The following TSPEAR variants were observed in gnomAD, a reference collection of about 807,000 sequenced individuals.
TSPEAR encodes thrombospondin-type laminin G domain and EAR repeat-containing protein.
Under a neutral mutation model 71.6 loss-of-function variants are expected in TSPEAR, and 69 were observed. The observed-to-expected ratio is 0.96, with a 90% confidence interval of 0.79 to 1.18. The LOEUF (loss-of-function observed/expected upper bound fraction) is 1.18, where lower values mean the gene tolerates loss of function less well. TSPEAR is among the 50% of genes most tolerant of loss of function. The pLI is 0.00. For synonymous variants in TSPEAR, 402 were observed against 387.2 expected, an observed-to-expected ratio of 1.04 and a Z score of -0.45; for missense variants, 971 against 894.9, an observed-to-expected ratio of 1.09 and a Z score of -1.09.
At chr21:44,528,318 G>A in intron 6 of TSPEAR, 134 bp downstream of exon 6, 1 of 1,277,136 alleles carries the variant, frequency 7.8e-7, no homozygotes, top group Non-Finnish European at 1.1e-6. Flanking sequence ...ACTCTTAGAA[G>A]TGCCCCAGCC....
intron 1 of TSPEAR, among the ~76,000 whole-genome samples, chr21:44,616,945 C>T (rs933892241): frequency 2.6e-5 from 4 of 152,190 alleles, no homozygotes; most frequent in Admixed American, 1.3e-4. Flanking sequence ...GGGAGGAACA[C>T]GTGCCACAGC....
At chr21:44,525,159 CAGT>C (rs1387744110) in intron 8 of TSPEAR, among the ~76,000 whole-genome samples, 1 of 145,434 alleles carries the variant, frequency 6.9e-6, no homozygotes, top group Non-Finnish European at 1.5e-5. Context: ...GGTAGTTAGT[CAGT>C]CAGTCAGTCA....
In TSPEAR at chr21:44,550,046, G is replaced by C. The variant is rs587692429; in HGVS notation, c.304-16123C>G. Among the ~76,000 whole-genome samples, 308 of 152,368 alleles carry C rather than the reference G, an allele frequency of 2.0e-3. 3 individuals carry two copies. The highest frequency in any genetic ancestry group is 7.3e-3 in the African/African-American group (304 of 41,588). On this transcript the variant is annotated intron_variant, in intron 2 of 11. Coordinates refer to ENST00000323084, the MANE Select transcript of TSPEAR (RefSeq NM_144991.3). ...ACAGCTGGGGCCTGCCACCCCCCGGGACAGCCCCAACCCTTGCCATGGGAA... is the reference window on the plus strand; with the variant it reads ...ACAGCTGGGGCCTGCCACCCCCCGGCACAGCCCCAACCCTTGCCATGGGAA...
chr21:44,516,801 G>A (rs587625739), intron 9 of TSPEAR, among the ~76,000 whole-genome samples: 6 of 152,088 alleles, frequency 3.9e-5, no homozygotes, highest in African/African-American at 1.2e-4. Flanking sequence ...CTTCGTCCTT[G>A]GACCTGTGAT....
chr21:44,707,274 A>C (rs1430899882), intron 1 of TSPEAR, among the ~76,000 whole-genome samples: 2 of 140,370 alleles, frequency 1.4e-5, no homozygotes, highest in African/African-American at 5.2e-5. Flanking sequence ...CTCCACCAGG[A>C]AGATGGGGGT....
At chr21:44,512,792 G>C (rs1555912899) in intron 9 of TSPEAR, among the ~76,000 whole-genome samples, 4 of 152,186 alleles carry the variant, frequency 2.6e-5, no homozygotes, top group African/African-American at 9.7e-5. Context: ...CTGTGGGGGT[G>C]GGCATGGAGG....
chr21:44,637,417 C>G, intron 1 of TSPEAR: 1 of 1,600,368 alleles, frequency 6.2e-7, no homozygotes, highest in Non-Finnish European at 8.5e-7. Flanking sequence ...CCCACTCCAG[C>G]ATGGCCGCCT....
chr21:44,530,661 C>A (rs1232520093), intron 4 of TSPEAR, among the ~76,000 whole-genome samples: 3 of 152,236 alleles, frequency 2.0e-5, no homozygotes, highest in African/African-American at 7.2e-5. Flanking sequence ...AGGCCTCTAG[C>A]CTCATGGAGT....
intron 1 of TSPEAR, among the ~76,000 whole-genome samples, chr21:44,607,011 T>C (rs2146164717): frequency 2.0e-5 from 3 of 152,316 alleles, no homozygotes; most frequent in Middle Eastern, 6.8e-3. Flanking sequence ...TAAAAGAATA[T>C]ACTTTTAATT....
At chr21:44,575,153 G>A in intron 1 of TSPEAR, 1 of 919,854 alleles carries the variant, frequency 1.1e-6, no homozygotes, top group Non-Finnish European at 1.6e-6. Flanking sequence ...TGGAAGAACT[G>A]AAAGTCTATA....
chr21:44,601,232 G>A (rs1555928663), intron 1 of TSPEAR: 3 of 1,605,224 alleles, frequency 1.9e-6, no homozygotes, highest in South Asian at 1.1e-5. Context: ...ATCAGCTCCT[G>A]CACGCCCTCG....
intron 1 of TSPEAR, among the ~76,000 whole-genome samples, chr21:44,650,901 C>G (rs879963586): frequency 1.9e-4 from 29 of 152,334 alleles, no homozygotes; most frequent in African/African-American, 6.3e-4. Flanking sequence ...TGGCTTGGCT[C>G]TGACACACCC....
intron 2 of TSPEAR, chr21:44,551,109 G>T (rs782150986): frequency 2.0e-5 from 31 of 1,546,028 alleles, no homozygotes; most frequent in Non-Finnish European, 2.7e-5. Flanking sequence ...GCATGAAGAA[G>T]CCCCACAGCA....
chr21:44,658,290 G>T, intron 1 of TSPEAR: 1 of 1,610,478 alleles, frequency 6.2e-7, no homozygotes, highest in Non-Finnish European at 8.5e-7. Context: ...CCTGGTACAC[G>T]GGGGTACACA....
rs370521538 is a variant in TSPEAR at position 44,666,520 on chromosome 21, A to T, written c.82+44913T>A. 5.0e-6 allele frequency: 8 copies of T among 1,612,444 alleles called. No homozygotes were observed. The African/African-American group carries it at 1.1e-4, about 22-fold the overall frequency. On this transcript the variant is annotated intron_variant, in intron 1 of 11. Coordinates refer to ENST00000323084, the MANE Select transcript of TSPEAR (RefSeq NM_144991.3). ...GTGCAGGAGGGCTGGCAGCACCCAGAGGACTGGCAGGACGGAGCCGCATAC... is the reference window on the plus strand; with the variant it reads ...GTGCAGGAGGGCTGGCAGCACCCAGTGGACTGGCAGGACGGAGCCGCATAC...
At position 44,591,693 on chromosome 21, in the gene TSPEAR, G is replaced by A. The variant is rs587729918; in HGVS notation, c.83-23688C>T. ...GCACACAGCAGGCGTGCTGGCAGGG[G>A]GAGGAGGTGCAGCAAGCTGGCTGGC... On this transcript the variant is annotated intron_variant, in intron 1 of 11. Coordinates refer to ENST00000323084, the MANE Select transcript of TSPEAR (RefSeq NM_144991.3). 3.9e-5 allele frequency: 61 copies of A among 1,578,068 alleles called. 1 individual carries two copies. The Middle Eastern group carries it at 1.0e-3, about 26-fold the overall frequency.
At chr21:44,601,808 G>T (rs1337114206) in intron 1 of TSPEAR, 1 of 1,545,744 alleles carries the variant, frequency 6.5e-7, no homozygotes, top group Non-Finnish European at 8.7e-7. Flanking sequence ...ACCCTTGACG[G>T]CTCTCCACAT....
chr21:44,645,192 A>G (rs2146235468), intron 1 of TSPEAR, among the ~76,000 whole-genome samples: 1 of 152,334 alleles, frequency 6.6e-6, no homozygotes, highest in East Asian at 1.9e-4. Flanking sequence ...ACCAAGGCAA[A>G]ATGAAAATTG....
chr21:44,705,417 C>A lies in TSPEAR; in HGVS notation c.82+6016G>T, dbSNP rs371038292. Among the ~76,000 whole-genome samples, 257 of 152,310 alleles carry A rather than the reference C, an allele frequency of 1.7e-3. 1 individual carries two copies. Among genetic ancestry groups the A allele is most frequent in the African/African-American group, 5.8e-3 (241 of 41,562 alleles). Reference sequence around the variant, plus strand: ...ATTGTTCAGGGAATAAGAGAGATAACCTTAAACTCTAACCGCCGGTGAGCC... The same window carrying A: ...ATTGTTCAGGGAATAAGAGAGATAAACTTAAACTCTAACCGCCGGTGAGCC... On this transcript the variant is annotated intron_variant, in intron 1 of 11. Coordinates refer to ENST00000323084, the MANE Select transcript of TSPEAR (RefSeq NM_144991.3).
Sources: allele counts gnomAD v4.1 joint callset (sites outside exome capture counted in the v4.1 genomes callset), GRCh38; gene constraint gnomAD v4.1.1; transcripts MANE v1.5; gene names NCBI Gene and HGNC (gene_info 2026-07-23, HGNC 2026-07-21).